Variants in SLC8A3 observed in about 807,000 individuals in gnomAD.
SLC8A3 encodes the protein solute carrier family 8 member A3.
SLC8A3 carries 37 observed loss-of-function variants against 65.4 expected under a neutral mutation model. The observed-to-expected ratio is 0.57, with a 90% CI of 0.44 to 0.74. The LOEUF is 0.74. Ranked by LOEUF, SLC8A3 falls within the 30% of genes least tolerant of loss-of-function variation. The probability of loss-of-function intolerance (pLI) is 0.00; values close to 1 mark genes in which losing one functional copy is unlikely to be tolerated. For synonymous variants in SLC8A3, 461 were observed against 444.5 expected, an observed-to-expected ratio of 1.04 and a Z score of -0.47; for missense variants, 1,112 against 1,172.1, an observed-to-expected ratio of 0.95 and a Z score of 0.75.
At chr14:70,060,798 C>T (rs1566743821) in intron 3 of SLC8A3, 38 bp downstream of exon 3, 2 of 1,070,758 alleles carry the variant, frequency 1.9e-6, no homozygotes, top group Non-Finnish European at 2.9e-6. Flanking sequence ...ATTTTTCTTT[C>T]TTTTTTTTTG....
At chr14:70,105,087 T>C (rs1892769534) in intron 2 of SLC8A3, among the ~76,000 whole-genome samples, 1 of 152,146 alleles carries the variant, frequency 6.6e-6, no homozygotes, top group Non-Finnish European at 1.5e-5. Context: ...CCCAGCACTT[T>C]GGGAGGCCGA....
intron 5 of SLC8A3, 81 bp downstream of exon 5, chr14:70,050,927 C>T: frequency 1.2e-6 from 1 of 829,676 alleles, no homozygotes; most frequent in Admixed American, 1.8e-5. Context: ...TAGGGACTGG[C>T]AGGCTGTTAA....
At chr14:70,085,006 A>G (rs992202562) in intron 2 of SLC8A3, among the ~76,000 whole-genome samples, 2 of 152,212 alleles carry the variant, frequency 1.3e-5, no homozygotes, top group African/African-American at 2.4e-5. Context: ...ATTAAATTCC[A>G]TTTACAAATG....
At chr14:70,178,530 C>T (rs1398741220) in intron 1 of SLC8A3, among the ~76,000 whole-genome samples, 1 of 152,080 alleles carries the variant, frequency 6.6e-6, no homozygotes, top group Non-Finnish European at 1.5e-5. Context: ...GAACATATTG[C>T]TCCTAAGAAA....
chr14:70,049,012 T>C lies in SLC8A3; in HGVS notation c.2144A>G (p.Glu715Gly), dbSNP rs775863005. 12 of 1,613,240 alleles carry C rather than the reference T, an allele frequency of 7.4e-6. No individual in the cohort carries two copies. Among genetic ancestry groups the C allele is most frequent in the Non-Finnish European group, 9.3e-6 (11 of 1,179,444 alleles). ...GTCAAAGCAGGAGGGCAGCCTCTCC[T>C]CCCCGGATTCATCCTCATCCTCATC... ...AGDEDEDESG[E>G]ERLPSCFDYV... The change falls in exon 6 of 7, where the codon GAG (glutamate) becomes GGG (glycine). Residue 715 changes from glutamate (E) to glycine (G), a missense_variant. Coordinates refer to ENST00000356921, the MANE Select transcript of SLC8A3 (RefSeq NM_182932.3).
chr14:70,166,931 T>A lies in SLC8A3; in HGVS notation c.1492A>T (p.Met498Leu). 1 of 1,614,134 alleles carries A rather than the reference T, an allele frequency of 6.2e-7. No individual in the cohort carries two copies. The highest frequency in any genetic ancestry group is 1.1e-5 in the South Asian group (1 of 91,078). The change falls in exon 2 of 7, where the codon ATG becomes TTG. Residue 498 changes from methionine (M) to leucine (L), a missense_variant. Physicochemically the swap from Met to Leu is conservative, Grantham distance 15. Coordinates refer to ENST00000356921, the MANE Select transcript of SLC8A3 (RefSeq NM_182932.3). Reference protein sequence around the residue: ...RIEEEQPEEGMPPAIFNSLPL... With the variant: ...RIEEEQPEEGLPPAIFNSLPL... ...AGACTGTTGAATATTGCTGGAGGCATCCCCTCCTCTGGCTGCTCCTCCTCT... is the reference window on the plus strand; with the variant it reads ...AGACTGTTGAATATTGCTGGAGGCAACCCCTCCTCTGGCTGCTCCTCCTCT...
In SLC8A3 at chr14:70,167,907, C is replaced by T; in HGVS notation, c.516G>A (p.Gly172=). Residue 172 remains glycine (G), a synonymous_variant, in exon 2 of 7, where the codon GGG becomes GGA. Transcript: ENST00000356921. ...AGDLGPSTIV[G]SAAFNMFIII... ...TGATGAACATGTTGAAGGCTGCACT[C>T]CCTACAATGGTAGAAGGTCCCAGAT... 1.2e-6 allele frequency: 2 copies of T among 1,614,138 alleles called. No homozygotes were observed. The highest frequency in any genetic ancestry group is 1.7e-6 in the Non-Finnish European group (2 of 1,180,020).
In SLC8A3 at chr14:70,044,673, A is replaced by T. The variant is rs899391307; in HGVS notation, c.*1274T>A. 1 of 152,146 alleles carries T rather than the reference A, an allele frequency of 6.6e-6. No individual in the cohort carries two copies. Among genetic ancestry groups the T allele is most frequent in the African/African-American group, 2.4e-5 (1 of 41,426 alleles). The allele number at this position is 152,146 out of a possible 1,614,324, so 9.4% of individuals were successfully genotyped here. Reference sequence around the variant, plus strand: ...AAGAACAAGCAGGAACATGGGAGAAATGAGGAATTCCAGTTCCTATCTTGT... The same window carrying T: ...AAGAACAAGCAGGAACATGGGAGAATTGAGGAATTCCAGTTCCTATCTTGT... On this transcript the variant is annotated 3_prime_UTR_variant, in exon 7 of 7. Transcript: ENST00000356921.
rs917178955 is a variant in SLC8A3 at position 70,166,747 on chromosome 14, C to T, written c.1676G>A (p.Arg559Gln). 6.8e-6 allele frequency: 11 copies of T among 1,613,802 alleles called. No individual in the cohort carries two copies. Among genetic ancestry groups the T allele is most frequent in the East Asian group, 2.2e-5 (1 of 44,892 alleles). Reference protein sequence around the residue: ...EVKVLRTSGARGTVIVPFRTV... With the variant: ...EVKVLRTSGAQGTVIVPFRTV... ...CCTAAAGGGGACGATGACTGTACCCCGGGCACCTGATGTCCGCAGAACCTT... is the reference window on the plus strand; with the variant it reads ...CCTAAAGGGGACGATGACTGTACCCTGGGCACCTGATGTCCGCAGAACCTT... The change falls in exon 2 of 7, where the codon CGG becomes CAG. Residue 559 changes from arginine (R) to glutamine (Q), a missense_variant. Arg to Gln is a conservative substitution (Grantham distance 43). Transcript: ENST00000356921.
chr14:70,064,833 C>A (rs1224376687), intron 2 of SLC8A3, among the ~76,000 whole-genome samples: 1 of 152,206 alleles, frequency 6.6e-6, no homozygotes, highest in African/African-American at 2.4e-5. Flanking sequence ...TCACCCTGTT[C>A]TGCATTTCTT....
At chr14:70,074,515 C>T (rs368900044) in intron 2 of SLC8A3, among the ~76,000 whole-genome samples, 28 of 152,290 alleles carry the variant, frequency 1.8e-4, no homozygotes, top group African/African-American at 6.7e-4. Context: ...AGTAGGCAAA[C>T]TACTTGGGAG....
chr14:70,116,900 C>T (rs73276734), intron 2 of SLC8A3, among the ~76,000 whole-genome samples: 9,300 of 152,280 alleles, frequency 0.061, 344 homozygotes, highest in African/African-American at 0.097. Context: ...TTTATCCAAG[C>T]AGAATTATCA....
chr14:70,050,202 C>A (rs1887324484), intron 5 of SLC8A3, among the ~76,000 whole-genome samples: 1 of 152,136 alleles, frequency 6.6e-6, no homozygotes, highest in Non-Finnish European at 1.5e-5. Context: ...ACAGTCAGGT[C>A]ATCAGAGGGG....
At chr14:70,120,419 A>G (rs1296624888) in intron 2 of SLC8A3, among the ~76,000 whole-genome samples, 1 of 152,186 alleles carries the variant, frequency 6.6e-6, no homozygotes, top group African/African-American at 2.4e-5. Context: ...ACTAATCATC[A>G]TACACAACCA....
chr14:70,185,155 C>T (rs752714673), intron 1 of SLC8A3, among the ~76,000 whole-genome samples: 2 of 151,974 alleles, frequency 1.3e-5, no homozygotes, highest in Non-Finnish European at 2.9e-5. Context: ...TTAGTAGAGA[C>T]GGGATTTCAC....
At chr14:70,052,365 C>T (rs536412054) in intron 3 of SLC8A3, among the ~76,000 whole-genome samples, 23 of 152,320 alleles carry the variant, frequency 1.5e-4, no homozygotes, top group African/African-American at 5.5e-4. Flanking sequence ...CTGACCTAAA[C>T]ATCTCCTGAG....
At chr14:70,048,405 A>G in intron 6 of SLC8A3, 1 of 568,276 alleles carries the variant, frequency 1.8e-6, no homozygotes, top group Non-Finnish European at 3.1e-6. Flanking sequence ...GGAGGTTAAG[A>G]AATTGGACCA....
rs1897298334 is a variant in SLC8A3 at position 70,168,205 on chromosome 14, T to A, written c.218A>T (p.Lys73Met). The change falls in exon 2 of 7, where the codon AAG (lysine) becomes ATG (methionine). Residue 73 changes from lysine (K) to methionine (M), a missense_variant. Coordinates refer to ENST00000356921, the MANE Select transcript of SLC8A3 (RefSeq NM_182932.3). ...WYPENPSLGD[K>M]IARVIVYFVA... ...AAAATAGACAATGACCCTGGCAATC[T>A]TGTCCCCAAGGGAAGGGTTCTCCGG... 1.2e-6 allele frequency: 2 copies of A among 1,614,050 alleles called. No homozygotes were observed. The highest frequency in any genetic ancestry group is 1.7e-6 in the Non-Finnish European group (2 of 1,180,040).
intron 2 of SLC8A3, among the ~76,000 whole-genome samples, chr14:70,144,916 T>C (rs962026883): frequency 6.6e-6 from 1 of 152,204 alleles, no homozygotes; most frequent in Non-Finnish European, 1.5e-5. Context: ...GGCTCACTTG[T>C]TTGATGTCTC....
Sources: allele counts gnomAD v4.1 joint callset (sites outside exome capture counted in the v4.1 genomes callset), GRCh38; gene constraint gnomAD v4.1.1; transcripts MANE v1.5; gene names NCBI Gene and HGNC (gene_info 2026-07-23, HGNC 2026-07-21).